The following PCBD2 variants were observed in gnomAD, a reference collection of about 807,000 sequenced individuals.
The protein encoded by PCBD2 is pterin-4 alpha-carbinolamine dehydratase 2.
A neutral mutation model predicts 16.4 loss-of-function variants in PCBD2; 12 were observed. The observed-to-expected ratio is 0.73, with a 90% CI of 0.47 to 1.19. The LOEUF is 1.19. Ranked by LOEUF, PCBD2 falls within the 50% of genes most tolerant of loss-of-function variation. The pLI is 0.00. For synonymous variants in PCBD2, 58 were observed against 61.8 expected, an observed-to-expected ratio of 0.94 and a Z score of 0.29; for missense variants, 138 against 156.8, an observed-to-expected ratio of 0.88 and a Z score of 0.64.
Position 134,939,473 on chromosome 5 carries a change from C to T in PCBD2, c.217-19567C>T, listed in dbSNP as rs541090175. On this transcript the variant is annotated intron_variant, in intron 2 of 3. Transcript: ENST00000254908. Reference sequence around the variant, plus strand: ...TTTTGGAGGGTGTTTTTAGGGAAATCGGAAGCAGTCAGGAGAAAGAATGGT... The same window carrying T: ...TTTTGGAGGGTGTTTTTAGGGAAATTGGAAGCAGTCAGGAGAAAGAATGGT... Among the ~76,000 whole-genome samples, 5 of 151,964 alleles carry T rather than the reference C, an allele frequency of 3.3e-5. No homozygotes were observed. In the East Asian group the frequency reaches 7.7e-4, roughly 23 times the overall value.
chr5:134,952,721 C>G (rs923178767), intron 2 of PCBD2, among the ~76,000 whole-genome samples: 1 of 151,888 alleles, frequency 6.6e-6, no homozygotes, highest in Admixed American at 6.6e-5. Flanking sequence ...AGGATGGATC[C>G]CGTGAGCCCA....
chr5:134,925,722 TAGGGCTGAGAC>T, intron 2 of PCBD2: 1 of 396,356 alleles, frequency 2.5e-6, no homozygotes, highest in Admixed American at 4.4e-5. Context: ...TTGAGTGGAG[TAGGGCTGAGAC>T]AGGGGTGGGG....
At chr5:134,922,966 T>C (rs111335853) in intron 2 of PCBD2, among the ~76,000 whole-genome samples, 8,289 of 152,220 alleles carry the variant, frequency 0.054, 499 homozygotes, top group African/African-American at 0.16. Flanking sequence ...GTGAGCCACC[T>C]GCCCGGCCCT....
intron 2 of PCBD2, among the ~76,000 whole-genome samples, chr5:134,951,913 G>T (rs1751362502): frequency 6.6e-6 from 1 of 151,794 alleles, no homozygotes; most frequent in South Asian, 2.1e-4. Context: ...TTTGTTTGTT[G>T]GATTTTATTA....
intron 2 of PCBD2, among the ~76,000 whole-genome samples, chr5:134,922,458 C>A (rs1750915914): frequency 6.6e-6 from 1 of 152,102 alleles, no homozygotes; most frequent in Admixed American, 6.6e-5. Flanking sequence ...GAAAGTTTTT[C>A]TTGATTTTTA....
intron 2 of PCBD2, among the ~76,000 whole-genome samples, chr5:134,917,357 C>A (rs1427886405): frequency 6.6e-6 from 1 of 152,246 alleles, no homozygotes; most frequent in Non-Finnish European, 1.5e-5. Flanking sequence ...ATACCTGGGG[C>A]TACCCTTGTT....
chr5:134,956,633 T>C (rs1489014339), intron 2 of PCBD2, among the ~76,000 whole-genome samples: 1 of 152,236 alleles, frequency 6.6e-6, no homozygotes, highest in Admixed American at 6.5e-5. Flanking sequence ...TCAGTGTGCA[T>C]CAGGATGTTA....
chr5:134,959,162 G>C (rs746244578), intron 3 of PCBD2, 42 bp downstream of exon 3: 1 of 1,433,486 alleles, frequency 7.0e-7, no homozygotes, highest in Non-Finnish European at 9.7e-7. Context: ...TAATTATGGA[G>C]TTTAAGAAAC....
At chr5:134,917,176 C>T (rs186079880) in intron 2 of PCBD2, among the ~76,000 whole-genome samples, 13 of 152,202 alleles carry the variant, frequency 8.5e-5, no homozygotes, top group Admixed American at 2.6e-4. Flanking sequence ...TTACAAAATC[C>T]GAGGAGATTT....
In PCBD2 at chr5:134,935,423, C is replaced by T. The variant is rs532721321; in HGVS notation, c.217-23617C>T. On this transcript the variant is annotated intron_variant, in intron 2 of 3. Coordinates refer to ENST00000254908, the MANE Select transcript of PCBD2 (RefSeq NM_032151.5). ...CCATTATCCTTTGAGTCATCTCCCACATGTTACGATTTGCACACCTGCAGT... is the reference window on the plus strand; with the variant it reads ...CCATTATCCTTTGAGTCATCTCCCATATGTTACGATTTGCACACCTGCAGT... Among the ~76,000 whole-genome samples, 60 of 152,304 alleles carry T rather than the reference C, an allele frequency of 3.9e-4. 1 individual carries two copies. The highest frequency in any genetic ancestry group is 3.9e-3 in the Admixed American group (59 of 15,300).
chr5:134,962,598 C>T lies in PCBD2; in HGVS notation c.*1917C>T, dbSNP rs896233056. Among the ~76,000 whole-genome samples the T allele has an allele frequency of 1.8e-4, 27 of 152,138 alleles. No homozygotes were observed. Among genetic ancestry groups the T allele is most frequent in the African/African-American group, 6.3e-4 (26 of 41,502 alleles). On this transcript the variant is annotated 3_prime_UTR_variant, in exon 4 of 4. Transcript: ENST00000254908. ...TAAAGTTGATTTGGATTTTAGCTGC[C>T]GTTACTACTTATATAATTAATTAGA...
At chr5:134,926,423 T>C in intron 2 of PCBD2, 1 of 391,194 alleles carries the variant, frequency 2.6e-6, no homozygotes, top group Non-Finnish European at 4.5e-6. Flanking sequence ...ATTAAGGAAG[T>C]TAGGGCTAGG....
chr5:134,959,883 C>CTTTT (rs776164485), intron 3 of PCBD2, among the ~76,000 whole-genome samples: 87 of 73,026 alleles, frequency 1.2e-3, no homozygotes, highest in East Asian at 4.5e-3. Context: ...TAGAAATGTG[C>CTTTT]TTTTTTTTTT....
chr5:134,927,562 G>A (rs779709331), intron 2 of PCBD2: 27 of 397,090 alleles, frequency 6.8e-5, no homozygotes, highest in Non-Finnish European at 1.1e-4. Context: ...ATGAGTAGGG[G>A]GAGGGAGCCT....
Position 134,962,107 on chromosome 5 carries a change from T to TGTGTGTG in PCBD2, c.*1426_*1427insGTGTGTG, listed in dbSNP as rs1561454491. Among the ~76,000 whole-genome samples the TGTGTGTG allele has an allele frequency of 6.6e-6, 1 of 150,422 alleles. No individual in the cohort carries two copies. The highest frequency in any genetic ancestry group is 1.5e-5 in the Non-Finnish European group (1 of 67,566). ...GTGTGTGTGTGTGTGTGTGTGTGTGTTTGACACGGGGTCTCATTCTGTTGC... is the reference window on the plus strand; with the variant it reads ...GTGTGTGTGTGTGTGTGTGTGTGTGTGTGTGTGTTGACACGGGGTCTCATTCTGTTGC... On this transcript the variant is annotated 3_prime_UTR_variant, in exon 4 of 4. Coordinates refer to ENST00000254908, the MANE Select transcript of PCBD2 (RefSeq NM_032151.5).
intron 2 of PCBD2, among the ~76,000 whole-genome samples, chr5:134,920,224 A>C (rs899869352): frequency 6.6e-6 from 1 of 152,142 alleles, no homozygotes; most frequent in Non-Finnish European, 1.5e-5. Context: ...ATTCTGACTC[A>C]TTTACTGAAT....
At position 134,928,069 on chromosome 5, in the gene PCBD2, G is replaced by T. The variant is rs1751040200; in HGVS notation, c.216+17603G>T. On this transcript the variant is annotated intron_variant, in intron 2 of 3. Coordinates refer to ENST00000254908, the MANE Select transcript of PCBD2 (RefSeq NM_032151.5). Reference sequence around the variant, plus strand: ...GGCTTAGGTTATGTACGTAGTCTAGGCCATACGTGTTGGAGATTGAGACTA... The same window carrying T: ...GGCTTAGGTTATGTACGTAGTCTAGTCCATACGTGTTGGAGATTGAGACTA... 7.6e-6 allele frequency: 3 copies of T among 394,146 alleles called. No homozygotes were observed. The South Asian group carries it at 3.9e-4, about 51-fold the overall frequency. The allele number at this position is 394,146 out of a possible 1,614,324, so 24.4% of individuals were successfully genotyped here. A position where few individuals can be genotyped will look rare whatever the true frequency, so the allele number is the denominator to read the frequency against.
At chr5:134,959,800 G>A (rs183816679) in intron 3 of PCBD2, among the ~76,000 whole-genome samples, 58 of 150,352 alleles carry the variant, frequency 3.9e-4, no homozygotes, top group African/African-American at 1.3e-3. Flanking sequence ...CTCTTTGCTC[G>A]TAATTTTGCT....
At chr5:134,919,078 G>A (rs1291675163) in intron 2 of PCBD2, among the ~76,000 whole-genome samples, 1 of 152,168 alleles carries the variant, frequency 6.6e-6, no homozygotes, top group East Asian at 1.9e-4. Flanking sequence ...AATAAAAATG[G>A]ACTTTTAACT....
Sources: gnomAD v4.1 joint callset for allele counts (sites outside exome capture counted in the v4.1 genomes callset) on GRCh38, gnomAD v4.1.1 for gene constraint, MANE v1.5 for transcripts, NCBI Gene and HGNC (gene_info 2026-07-23, HGNC 2026-07-21) for gene names.